The following MAST4 variants were observed in gnomAD, a reference collection of about 807,000 sequenced individuals.
The protein encoded by MAST4 is microtubule associated serine/threonine kinase family member 4.
In MAST4, 89 loss-of-function variants were observed where a neutral mutation model predicts 162.7. The observed-to-expected ratio is 0.55, with a 90% CI of 0.46 to 0.65. The LOEUF is 0.65. MAST4 is among the 30% of genes least tolerant of loss of function. The probability of loss-of-function intolerance (pLI) is 0.00; values close to 1 mark genes in which losing one functional copy is unlikely to be tolerated. For missense variants in MAST4, 3,153 were observed against 3,374.0 expected, an observed-to-expected ratio of 0.93 and a Z score of 1.62; for synonymous variants, 1,479 against 1,361.1, an observed-to-expected ratio of 1.09 and a Z score of -1.91.
chr5:66,773,961 G>A (rs960557789), intron 2 of MAST4, among the ~76,000 whole-genome samples: 1 of 152,200 alleles, frequency 6.6e-6, no homozygotes, highest in Non-Finnish European at 1.5e-5. Flanking sequence ...CAGCTTCCCA[G>A]TCTGTGTTAA....
intron 16 of MAST4, among the ~76,000 whole-genome samples, chr5:67,132,159 A>G (rs1401647115): frequency 2.6e-5 from 4 of 152,134 alleles, no homozygotes; most frequent in South Asian, 2.1e-4. Flanking sequence ...GGAAAAAAGG[A>G]TACAATGCAT....
rs539192528 is a variant in MAST4, at chr5:66,986,809, G to A, written c.675-67595G>A. ...TTTTATTTTTTAGAGATAGGGTCTC[G>A]CTATGTTGGTCAGACTGGTCTTGAC... On this transcript the variant is annotated intron_variant, in intron 4 of 28. Coordinates refer to ENST00000403625, the MANE Select transcript of MAST4 (RefSeq NM_001164664.2). Among the ~76,000 whole-genome samples the A allele has an allele frequency of 1.6e-4, 24 of 151,702 alleles. No individual in the cohort carries two copies. In the South Asian group the frequency reaches 4.6e-3, roughly 29 times the overall value.
chr5:66,949,379 C>T (rs1003206598), intron 4 of MAST4, among the ~76,000 whole-genome samples: 1 of 152,150 alleles, frequency 6.6e-6, no homozygotes, highest in African/African-American at 2.4e-5. Context: ...ATGCTGTTCT[C>T]ATGGTAGTGA....
At chr5:66,856,283 G>A (rs72761268) in intron 3 of MAST4, among the ~76,000 whole-genome samples, 9,080 of 152,250 alleles carry the variant, frequency 0.06, 364 homozygotes, top group East Asian at 0.1. Flanking sequence ...TGCAGGGTGC[G>A]ATGCAGGCCT....
Position 67,133,653 on chromosome 5 carries a change from T to G in MAST4, c.2226+7T>G. ...AGAGTTCCTGGATAAACAGGTAAGC[T>G]TGGGTGCCATTTAGTTTATTGAGAA... On this transcript the variant is annotated splice_region_variant and intron_variant, in intron 17 of 28. Transcript: ENST00000403625. 1 of 1,612,534 alleles carries G rather than the reference T, an allele frequency of 6.2e-7. No individual in the cohort carries two copies. The highest frequency in any genetic ancestry group is 1.1e-5 in the South Asian group (1 of 90,952).
chr5:67,069,881 AGTGTGT>A (rs200867949), intron 5 of MAST4, among the ~76,000 whole-genome samples: 19 of 142,666 alleles, frequency 1.3e-4, no homozygotes, highest in African/African-American at 2.4e-4. Flanking sequence ...TTTGAGAGAA[AGTGTGT>A]GTGTGTGTGT....
chr5:66,955,798 A>C (rs77935308), intron 4 of MAST4, among the ~76,000 whole-genome samples: 10,541 of 152,214 alleles, frequency 0.069, 1,157 homozygotes, highest in African/African-American at 0.24. Flanking sequence ...TATGCACACA[A>C]GTATATACAT....
intron 27 of MAST4, 79 bp downstream of exon 27, chr5:67,160,671 A>G: frequency 6.9e-7 from 1 of 1,455,166 alleles, no homozygotes. Flanking sequence ...AAATGCTTAT[A>G]TATGAAGAAG....
chr5:66,722,466 T>TA (rs1751275595), intron 1 of MAST4, among the ~76,000 whole-genome samples: 2 of 151,456 alleles, frequency 1.3e-5, no homozygotes, highest in African/African-American at 2.4e-5. Flanking sequence ...TTTTTTTTTT[T>TA]ACATAGTATT....
chr5:66,744,283 A>G (rs1300283494), intron 1 of MAST4, among the ~76,000 whole-genome samples: 1 of 152,042 alleles, frequency 6.6e-6, no homozygotes, highest in Non-Finnish European at 1.5e-5. Context: ...TTCGTGACTC[A>G]TGTTTCTTAA....
At position 67,163,205 on chromosome 5, in the gene MAST4, G is replaced by A; in HGVS notation, c.4026G>A (p.Gly1342=). 1 of 1,613,770 alleles carries A rather than the reference G, an allele frequency of 6.2e-7. No individual in the cohort carries two copies. The highest frequency in any genetic ancestry group is 8.5e-7 in the Non-Finnish European group (1 of 1,179,812). ...CTAGTGCCCCCAATTCCCCAGCAGG[G>A]TCCGGGCACATCCGGCCCAGCACTC... ...PSSSAPNSPA[G]SGHIRPSTLH... is the part of the protein sequence containing the mutation. The change falls in exon 29 of 29, where the codon GGG becomes GGA. Residue 1342 remains glycine (G), a synonymous_variant. Coordinates refer to ENST00000403625, the MANE Select transcript of MAST4 (RefSeq NM_001164664.2). This position sits in a 1 kb window ranked among gnomAD's most constrained non-coding sequence, Gnocchi z 7.0.
intron 1 of MAST4, among the ~76,000 whole-genome samples, chr5:66,753,365 G>T (rs1753311365): frequency 6.6e-6 from 1 of 151,696 alleles, no homozygotes; most frequent in African/African-American, 2.4e-5. Flanking sequence ...TCCAGGAGCT[G>T]GTTTTTTGAA....
At chr5:66,649,703 G>A (rs1284123542) in intron 1 of MAST4, among the ~76,000 whole-genome samples, 2 of 152,006 alleles carry the variant, frequency 1.3e-5, no homozygotes, top group Non-Finnish European at 2.9e-5. Context: ...CTGCCTCTTA[G>A]CACTCTGGAC....
At position 67,131,689 on chromosome 5, in the gene MAST4, T is replaced by C. The variant is rs1768985691; in HGVS notation, c.1955-124T>C. The stretch of plus-strand genomic sequence containing the variant: ...TGATAGGTTAACACATAGACTCCAG[T>C]TGTGACTATGATATGCTGTGTCTAT... On this transcript the variant is annotated intron_variant, in intron 15 of 28. Transcript: ENST00000403625. 3.4e-6 allele frequency: 3 copies of C among 878,826 alleles called. No individual in the cohort carries two copies. In the South Asian group the frequency reaches 5.5e-5, roughly 16 times the overall value. The allele number at this position is 878,826 out of a possible 1,614,324, so 54.4% of individuals were successfully genotyped here. A position where few individuals can be genotyped will look rare whatever the true frequency, so the allele number is the denominator to read the frequency against.
At chr5:66,612,930 G>A (rs1285894908) in intron 1 of MAST4, among the ~76,000 whole-genome samples, 1 of 152,032 alleles carries the variant, frequency 6.6e-6, no homozygotes, top group Non-Finnish European at 1.5e-5. Flanking sequence ...AGGTAATTTT[G>A]TATCTAATTA....
rs555280033 is a variant in MAST4, at chr5:66,953,848, C to T, written c.674+53866C>T. On this transcript the variant is annotated intron_variant, in intron 4 of 28. Coordinates refer to ENST00000403625, the MANE Select transcript of MAST4 (RefSeq NM_001164664.2). ...TATCTGTGTGCTATAGGATGTTCAG[C>T]GGCATCCCTGGCCTCTACTCACTAT... Among the ~76,000 whole-genome samples, 11 of 152,270 alleles carry T rather than the reference C, an allele frequency of 7.2e-5. No individual in the cohort carries two copies. In the East Asian group the frequency reaches 1.2e-3, roughly 16 times the overall value.
chr5:67,062,616 T>C (rs1759764181), intron 5 of MAST4, among the ~76,000 whole-genome samples: 1 of 152,134 alleles, frequency 6.6e-6, no homozygotes, highest in Non-Finnish European at 1.5e-5. Context: ...ACAAGACAAA[T>C]AGTTCCCTTG....
At chr5:67,080,547 A>G (rs1762478401) in intron 5 of MAST4, among the ~76,000 whole-genome samples, 2 of 152,284 alleles carry the variant, frequency 1.3e-5, no homozygotes, top group South Asian at 4.1e-4. Context: ...TACTAAAGAT[A>G]TCATGGATGC....
intron 1 of MAST4, among the ~76,000 whole-genome samples, chr5:66,731,365 T>G (rs1751841132): frequency 6.6e-6 from 1 of 152,194 alleles, no homozygotes; most frequent in Non-Finnish European, 1.5e-5. Flanking sequence ...ACATCACCTT[T>G]CTTGGGAGTT....
Sources: allele counts gnomAD v4.1 joint callset (sites outside exome capture counted in the v4.1 genomes callset), GRCh38; gene constraint gnomAD v4.1.1; non-coding constraint Gnocchi (gnomAD v3.1); transcripts MANE v1.5; gene names NCBI Gene and HGNC (gene_info 2026-07-23, HGNC 2026-07-21).